Variants in CHMP4B observed in about 807,000 individuals in gnomAD.
CHMP4B encodes SNF7 homolog associated with Alix 1.
Under a neutral mutation model 25.1 loss-of-function variants are expected in CHMP4B, and 1 was observed. The observed-to-expected ratio is 0.04, with a 90% CI of 0.01 to 0.19. CHMP4B has a LOEUF of 0.19. CHMP4B is among the 10% of genes least tolerant of loss of function. The pLI is 1.00. For missense variants in CHMP4B, 151 were observed against 289.7 expected, an observed-to-expected ratio of 0.52 and a Z score of 3.48; for synonymous variants, 101 against 115.6, an observed-to-expected ratio of 0.87 and a Z score of 0.81.
chr20:33,817,969 A>G (rs147814207), intron 1 of CHMP4B, among the ~76,000 whole-genome samples: 1 of 152,352 alleles, frequency 6.6e-6, no homozygotes, highest in Non-Finnish European at 1.5e-5. Flanking sequence ...GTTTGAATGC[A>G]GCTTTACCTT....
At chr20:33,852,506 G>A (rs2122819553) in intron 4 of CHMP4B, among the ~76,000 whole-genome samples, 1 of 152,246 alleles carries the variant, frequency 6.6e-6, no homozygotes, top group Non-Finnish European at 1.5e-5. Flanking sequence ...CCGGTGCACT[G>A]TGGATGTTCA....
Position 33,853,595 on chromosome 20 carries a change from T to C in CHMP4B, c.*35T>C, listed in dbSNP as rs1229993061. The C allele has an allele frequency of 6.3e-7, 1 of 1,593,448 alleles. No individual in the cohort carries two copies. The stretch of plus-strand genomic sequence containing the variant: ...GCGCTGGCTGGGCCCAGACAGACTG[T>C]GGTGGCCTGCGCAGCGAGCAGGCGT... On this transcript the variant is annotated 3_prime_UTR_variant, in exon 5 of 5. Coordinates refer to ENST00000217402, the MANE Select transcript of CHMP4B (RefSeq NM_176812.5).
Position 33,853,950 on chromosome 20 carries a change from C to T in CHMP4B, c.*390C>T, listed in dbSNP as rs1434006802. The T allele has an allele frequency of 4.1e-5, 13 of 313,892 alleles. No homozygotes were observed. Among genetic ancestry groups the T allele is most frequent in the East Asian group, 7.9e-5 (1 of 12,666 alleles). The allele number at this position is 313,892 out of a possible 1,614,324, so 19.4% of individuals were successfully genotyped here. ...TGTCCTTGTAAGTCAGTTGACTTGCCGCACATCTCTTTGTGTACTTGTACG... is the reference window on the plus strand; with the variant it reads ...TGTCCTTGTAAGTCAGTTGACTTGCTGCACATCTCTTTGTGTACTTGTACG... On this transcript the variant is annotated 3_prime_UTR_variant, in exon 5 of 5. Coordinates refer to ENST00000217402, the MANE Select transcript of CHMP4B (RefSeq NM_176812.5).
At chr20:33,835,959 C>T (rs775902551) in intron 1 of CHMP4B, among the ~76,000 whole-genome samples, 3 of 152,178 alleles carry the variant, frequency 2.0e-5, no homozygotes, top group Non-Finnish European at 4.4e-5. Context: ...CTGAGGGATC[C>T]GCCCCCATGA....
chr20:33,819,972 C>T (rs1465645472), intron 1 of CHMP4B, among the ~76,000 whole-genome samples: 1 of 151,976 alleles, frequency 6.6e-6, no homozygotes, highest in Non-Finnish European at 1.5e-5. Context: ...TCGAGACCAT[C>T]CTGGCTAACA....
At chr20:33,851,194 C>T in intron 3 of CHMP4B, 128 bp downstream of exon 3, 2 of 732,664 alleles carry the variant, frequency 2.7e-6, no homozygotes, top group Non-Finnish European at 5.0e-6. Flanking sequence ...TGGTGTTAAC[C>T]CTCCCTGAAT....
Position 33,852,566 on chromosome 20 carries a change from T to C in CHMP4B, c.610+363T>C, listed in dbSNP as rs557156165. 2.1e-3 allele frequency among the ~76,000 whole-genome samples: 315 copies of C among 152,304 alleles called. 1 individual carries two copies. The highest frequency in any genetic ancestry group is 7.0e-3 in the African/African-American group (290 of 41,564). On this transcript the variant is annotated intron_variant, in intron 4 of 4. Transcript: ENST00000217402. ...TGCCAGTAGCAACCGCCATGAGTTATGTCAACCAAAAATGTCTTCAGACAT... is the reference window on the plus strand; with the variant it reads ...TGCCAGTAGCAACCGCCATGAGTTACGTCAACCAAAAATGTCTTCAGACAT...
At chr20:33,812,705 T>G (rs1367955738) in intron 1 of CHMP4B, among the ~76,000 whole-genome samples, 1 of 152,206 alleles carries the variant, frequency 6.6e-6, no homozygotes, top group African/African-American at 2.4e-5. Flanking sequence ...CACTCAGAAG[T>G]CTGCTAGTGA....
In CHMP4B at chr20:33,846,274, T is replaced by TC. The variant is rs554609497; in HGVS notation, c.191-2192dup. ...GTTTCCTCATCAACTAACCTTATCATCTAACCTTAAAGGGTTGCTATTTTG... is the reference window on the plus strand; with the variant it reads ...GTTTCCTCATCAACTAACCTTATCATCCTAACCTTAAAGGGTTGCTATTTTG... On this transcript the variant is annotated intron_variant, in intron 1 of 4. Coordinates refer to ENST00000217402, the MANE Select transcript of CHMP4B (RefSeq NM_176812.5). Among the ~76,000 whole-genome samples, 525 of 152,302 alleles carry TC rather than the reference T, an allele frequency of 3.4e-3. 3 individuals are homozygous for TC. The highest frequency in any genetic ancestry group is 5.0e-3 in the Non-Finnish European group (339 of 68,024).
chr20:33,833,220 G>T (rs68074572), intron 1 of CHMP4B, among the ~76,000 whole-genome samples: 22,922 of 152,040 alleles, frequency 0.15, 2,011 homozygotes, highest in East Asian at 0.31. Context: ...GAAAGATCTG[G>T]GAGAATAGTT....
At chr20:33,832,014 T>C (rs892183823) in intron 1 of CHMP4B, among the ~76,000 whole-genome samples, 6 of 152,182 alleles carry the variant, frequency 3.9e-5, no homozygotes, top group African/African-American at 1.4e-4. Context: ...TCATCATGTC[T>C]CTCTTGATTC....
At position 33,827,191 on chromosome 20, in the gene CHMP4B, C is replaced by T. The variant is rs112454189; in HGVS notation, c.190+15533C>T. Reference sequence around the variant, plus strand: ...AGACCCCTAAGACTTTGAGACGCTGCACAGTAGTTCAGACTCTGTCACTGT... The same window carrying T: ...AGACCCCTAAGACTTTGAGACGCTGTACAGTAGTTCAGACTCTGTCACTGT... On this transcript the variant is annotated intron_variant, in intron 1 of 4. Transcript: ENST00000217402. 7.6e-3 allele frequency among the ~76,000 whole-genome samples: 1,161 copies of T among 152,330 alleles called. 14 individuals are homozygous for T. The highest frequency in any genetic ancestry group is 0.027 in the African/African-American group (1,107 of 41,568).
rs1055114511 is a variant in CHMP4B, at chr20:33,811,644, C to T, written c.176C>T (p.Thr59Ile). Reference sequence around the variant, plus strand: ...CTGACGGCCGCCAAGAAGCACGGCACCAAAAACAAGCGCGGTGAGGCTGCC... The same window carrying T: ...CTGACGGCCGCCAAGAAGCACGGCATCAAAAACAAGCGCGGTGAGGCTGCC... ...QELTAAKKHG[T>I]KNKRAALQAL... The change falls in exon 1 of 5, where the codon ACC (threonine) becomes ATC (isoleucine). Residue 59 changes from threonine (T) to isoleucine (I), a missense_variant. Coordinates refer to ENST00000217402, the MANE Select transcript of CHMP4B (RefSeq NM_176812.5). 10 of 1,613,652 alleles carry T rather than the reference C, an allele frequency of 6.2e-6. No individual in the cohort carries two copies. In the East Asian group the frequency reaches 6.7e-5, roughly 11 times the overall value.
chr20:33,817,346 T>A (rs1403440342), intron 1 of CHMP4B, among the ~76,000 whole-genome samples: 1 of 152,248 alleles, frequency 6.6e-6, no homozygotes, highest in Non-Finnish European at 1.5e-5. Context: ...CAAATCCTTA[T>A]TTTGCCCCAT....
chr20:33,812,192 C>T (rs552988201), intron 1 of CHMP4B, among the ~76,000 whole-genome samples: 13 of 152,342 alleles, frequency 8.5e-5, no homozygotes, highest in African/African-American at 3.1e-4. Context: ...GGAGATGAGA[C>T]CCCCGATTCC....
Position 33,811,536 on chromosome 20 carries a change from A to C in CHMP4B, c.68A>C (p.Gln23Pro). Residue 23 changes from glutamine to proline, a missense_variant, in exon 1 of 5, where the codon CAG becomes CCG. Physicochemically the swap from Gln to Pro is moderately conservative, Grantham distance 76. Coordinates refer to ENST00000217402, the MANE Select transcript of CHMP4B (RefSeq NM_176812.5). ...GCCGGCAAGGGCGGCCCGACCCCCCAGGAGGCCATCCAGCGGCTGCGGGAC... is the reference window on the plus strand; with the variant it reads ...GCCGGCAAGGGCGGCCCGACCCCCCCGGAGGCCATCCAGCGGCTGCGGGAC... ...GKAGKGGPTP[Q>P]EAIQRLRDTE... The C allele has an allele frequency of 6.2e-7, 1 of 1,610,674 alleles. No homozygotes were observed. Among genetic ancestry groups the C allele is most frequent in the Non-Finnish European group, 8.5e-7 (1 of 1,178,610 alleles).
intron 1 of CHMP4B, among the ~76,000 whole-genome samples, chr20:33,823,460 A>G (rs917640754): frequency 6.6e-6 from 1 of 151,986 alleles, no homozygotes; most frequent in African/African-American, 2.4e-5. Flanking sequence ...TAGCCTGGAC[A>G]TCCTGGGCTC....
chr20:33,816,957 G>A (rs1739240674), intron 1 of CHMP4B, among the ~76,000 whole-genome samples: 1 of 152,216 alleles, frequency 6.6e-6, no homozygotes, highest in Non-Finnish European at 1.5e-5. Context: ...CTCATTGCTG[G>A]AGTGAGGGTG....
intron 1 of CHMP4B, among the ~76,000 whole-genome samples, chr20:33,821,026 G>T (rs893407540): frequency 1.3e-5 from 2 of 152,172 alleles, no homozygotes; most frequent in South Asian, 2.1e-4. Context: ...GTCTTCCTAC[G>T]GAAGGAAGTA....
Sources: gnomAD v4.1 joint callset for allele counts (sites outside exome capture counted in the v4.1 genomes callset) on GRCh38, gnomAD v4.1.1 for gene constraint, MANE v1.5 for transcripts, NCBI Gene and HGNC (gene_info 2026-07-23, HGNC 2026-07-21) for gene names.